The following TMEM116 variants were observed in gnomAD, a reference collection of about 807,000 sequenced individuals.
TMEM116 encodes transmembrane protein 116.
TMEM116 carries 38 observed loss-of-function variants against 44.3 expected under a neutral mutation model. The ratio of observed to expected loss-of-function variants is 0.86; its 90% CI spans 0.66 to 1.12. The LOEUF is 1.12. Among genes scored for constraint, TMEM116 ranks in the 50% most tolerant of loss-of-function variants. TMEM116 has a pLI of 0.00. For missense variants in TMEM116, 354 were observed against 401.7 expected (o/e 0.88, Z 1.01); for synonymous variants, 132 against 144.8 (o/e 0.91, Z 0.64).
At chr12:112,008,627 C>T (rs985340250) in intron 1 of TMEM116, among the ~76,000 whole-genome samples, 6 of 152,208 alleles carry the variant, frequency 3.9e-5, no homozygotes, top group African/African-American at 1.4e-4. Context: ...AAGACACTTG[C>T]CTTTGTAAAA....
intron 4 of TMEM116, among the ~76,000 whole-genome samples, chr12:111,987,951 C>T (rs996586556): frequency 6.6e-6 from 1 of 152,118 alleles, no homozygotes; most frequent in Non-Finnish European, 1.5e-5. Flanking sequence ...ATGGATAAAC[C>T]AAATGTGGTC....
intron 6 of TMEM116, among the ~76,000 whole-genome samples, chr12:111,937,535 G>C (rs577922350): frequency 2.6e-5 from 4 of 152,306 alleles, no homozygotes; most frequent in African/African-American, 9.6e-5. Context: ...ATGCAAGTGA[G>C]TCAGAGTGAA....
chr12:112,000,864 C>G, intron 3 of TMEM116: 3 of 454,920 alleles, frequency 6.6e-6, no homozygotes, highest in Non-Finnish European at 1.3e-5. Context: ...CTCCCCGAAT[C>G]CACCAATTCT....
chr12:111,967,712 GA>G (rs540982099), intron 4 of TMEM116, among the ~76,000 whole-genome samples: 2 of 151,708 alleles, frequency 1.3e-5, no homozygotes, highest in Non-Finnish European at 2.9e-5. Context: ...CATAGGTGGG[GA>G]AAAAAATACA....
intron 4 of TMEM116, among the ~76,000 whole-genome samples, chr12:111,947,017 G>A (rs1346251156): frequency 6.6e-6 from 1 of 151,826 alleles, no homozygotes; most frequent in Non-Finnish European, 1.5e-5. Flanking sequence ...CATATTACAG[G>A]TTTTTCTTTA....
intron 5 of TMEM116, among the ~76,000 whole-genome samples, chr12:111,940,567 G>GTATATATATATATATA (rs138347540): frequency 1.5e-5 from 2 of 130,218 alleles, no homozygotes; most frequent in African/African-American, 6.0e-5. Flanking sequence ...ATATATGTGT[G>GTATATATATATATATA]TATATATATA....
intron 4 of TMEM116, among the ~76,000 whole-genome samples, chr12:111,960,491 CAAAAAAA>C (rs545322547): frequency 6.3e-4 from 18 of 28,574 alleles, no homozygotes; most frequent in East Asian, 3.1e-3. Context: ...GACTCCGTCT[CAAAAAAA>C]AAAAAAAAAA....
chr12:111,947,109 G>C (rs962513728), intron 4 of TMEM116, among the ~76,000 whole-genome samples: 2 of 150,992 alleles, frequency 1.3e-5, no homozygotes, highest in East Asian at 1.9e-4. Flanking sequence ...TGTTATATTG[G>C]GTTTTTAATT....
At chr12:112,004,656 C>CT (rs111451127) in intron 2 of TMEM116, among the ~76,000 whole-genome samples, 21,251 of 146,400 alleles carry the variant, frequency 0.15, 1,847 homozygotes, top group African/African-American at 0.25. Flanking sequence ...CCATGCCAAT[C>CT]TTTTTTTTTT....
chr12:111,972,192 C>A (rs1229552829), intron 4 of TMEM116, among the ~76,000 whole-genome samples: 1 of 149,510 alleles, frequency 6.7e-6, no homozygotes, highest in Non-Finnish European at 1.5e-5. Context: ...CAATAGTAAT[C>A]AAAAGAAAGC....
At chr12:111,936,595 G>A in intron 8 of TMEM116, 97 bp downstream of exon 8, 2 of 1,383,260 alleles carry the variant, frequency 1.4e-6, no homozygotes, top group Non-Finnish European at 2.0e-6. Flanking sequence ...ACCACAAGAA[G>A]TGCCTCTCTG....
chr12:111,992,582 G>T (rs1434979310), intron 3 of TMEM116, among the ~76,000 whole-genome samples: 2 of 152,122 alleles, frequency 1.3e-5, no homozygotes, highest in African/African-American at 4.8e-5. Context: ...TAAGAAATGA[G>T]GTATTCTGCT....
At chr12:112,000,979 AG>A in intron 3 of TMEM116, 1 of 272,648 alleles carries the variant, frequency 3.7e-6, no homozygotes, top group Non-Finnish European at 7.4e-6. Flanking sequence ...TACAAGGTAA[AG>A]GCCATGACCA....
chr12:111,997,562 AAAACAAAAACAAAC>A (rs1227412652), intron 3 of TMEM116, among the ~76,000 whole-genome samples: 1 of 152,148 alleles, frequency 6.6e-6, no homozygotes, highest in East Asian at 1.9e-4. Context: ...TATCTAAAAA[AAAACAAAAACAAAC>A]AAACAAAAAA....
chr12:112,009,438 G>A (rs1565981264), intron 1 of TMEM116, among the ~76,000 whole-genome samples: 1 of 150,034 alleles, frequency 6.7e-6, no homozygotes, highest in Non-Finnish European at 1.5e-5. Flanking sequence ...AAGGATCTTA[G>A]TATTGATCCC....
At chr12:111,984,767 T>C (rs1027409412) in intron 4 of TMEM116, among the ~76,000 whole-genome samples, 13 of 152,066 alleles carry the variant, frequency 8.5e-5, no homozygotes, top group Non-Finnish European at 1.5e-4. Flanking sequence ...TTATTTTACA[T>C]TGCATGCCTG....
At chr12:112,000,881 T>C (rs1282424258) in intron 3 of TMEM116, 3 of 435,168 alleles carry the variant, frequency 6.9e-6, no homozygotes, top group Non-Finnish European at 9.3e-6. Context: ...TTCTCTGGTC[T>C]ATTCTCCAGC....
chr12:111,994,225 AC>A (rs1946355679), intron 3 of TMEM116, among the ~76,000 whole-genome samples: 1 of 152,152 alleles, frequency 6.6e-6, no homozygotes, highest in Non-Finnish European at 1.5e-5. Context: ...ATTGAAATAA[AC>A]CCAACTCTTC....
intron 4 of TMEM116, among the ~76,000 whole-genome samples, chr12:111,957,497 G>C (rs1015962378): frequency 6.6e-6 from 1 of 151,658 alleles, no homozygotes; most frequent in African/African-American, 2.4e-5. Context: ...GGAGGTGGGG[G>C]GCAGCGCCCC....
Sources: allele counts gnomAD v4.1 joint callset (sites outside exome capture counted in the v4.1 genomes callset), GRCh38; gene constraint gnomAD v4.1.1; transcripts MANE v1.5; gene names NCBI Gene and HGNC (gene_info 2026-07-23, HGNC 2026-07-21).